Variants in EPHA4 observed in about 807,000 individuals in gnomAD.
EPHA4 encodes the protein EPH receptor A4, also known as ephrin type-A receptor 4.
A neutral mutation model predicts 108.3 loss-of-function variants in EPHA4; 19 were observed. The ratio of observed to expected loss-of-function variants is 0.18; its 90% CI spans 0.12 to 0.26. EPHA4 has a LOEUF of 0.26. Ranked by LOEUF, EPHA4 falls within the 10% of genes least tolerant of loss-of-function variation. EPHA4 has a pLI of 1.00. For missense variants in EPHA4, 917 were observed against 1,254.0 expected (o/e 0.73, Z 4.06); for synonymous variants, 449 against 455.5 (o/e 0.99, Z 0.18).
chr2:221,538,879 C>T (rs1356703), intron 3 of EPHA4, among the ~76,000 whole-genome samples: 85,792 of 152,022 alleles, frequency 0.56, 24,941 homozygotes, highest in African/African-American at 0.7. Flanking sequence ...AATGATCACA[C>T]GTGGCGTGCA....
chr2:221,566,818 GAGA>G (rs1305800695), intron 2 of EPHA4, among the ~76,000 whole-genome samples: 8 of 135,976 alleles, frequency 5.9e-5, no homozygotes, highest in Admixed American at 5.4e-4. Flanking sequence ...GAAGAAGAAG[GAGA>G]AGAAGGAGAA....
intron 5 of EPHA4, among the ~76,000 whole-genome samples, chr2:221,465,527 A>G (rs1691281558): frequency 1.3e-5 from 2 of 152,130 alleles, no homozygotes; most frequent in African/African-American, 4.8e-5. Context: ...AAACTGTGAG[A>G]TCCCTTCCCT....
intron 3 of EPHA4, among the ~76,000 whole-genome samples, chr2:221,527,004 G>A (rs1693350071): frequency 6.7e-6 from 1 of 150,210 alleles, no homozygotes; most frequent in Non-Finnish European, 1.5e-5. Context: ...GTAGGCACCT[G>A]TAGTCCCAGC....
chr2:221,458,010 G>GA lies in EPHA4; in HGVS notation c.1319-21dup, dbSNP rs760375109. The GA allele has an allele frequency of 1.9e-6, 3 of 1,597,330 alleles. No homozygotes were observed. In the South Asian group the frequency reaches 3.4e-5, roughly 18 times the overall value. On this transcript the variant is annotated intron_variant, in intron 5 of 17. Transcript: ENST00000281821. The stretch of plus-strand genomic sequence containing the variant: ...ATGGTGCTGTTAGAAAAAAACAAAA[G>GA]ACAAAAGATATTTTCTTTAGGAAAA...
chr2:221,424,428 C>T (rs1303804245), intron 17 of EPHA4, among the ~76,000 whole-genome samples: 1 of 149,466 alleles, frequency 6.7e-6, no homozygotes, highest in Non-Finnish European at 1.5e-5. Context: ...AAAGAAAGGT[C>T]GTTAAAATCA....
In EPHA4 at chr2:221,426,150, T is replaced by C. The variant is rs201675912; in HGVS notation, c.2847-8A>G. On this transcript the variant is annotated splice_polypyrimidine_tract_variant and splice_region_variant and intron_variant, in intron 16 of 17. Transcript: ENST00000281821. ...CCAATTCTTGCCAGGTCCCTGTACA[T>C]AGGGCGACAAAAAAGGGACAGAAGA... 1.0e-4 allele frequency: 168 copies of C among 1,611,238 alleles called. No homozygotes were observed. The highest frequency in any genetic ancestry group is 2.8e-4 in the Admixed American group (17 of 59,938).
chr2:221,493,800 T>C (rs1692225344), intron 4 of EPHA4, among the ~76,000 whole-genome samples: 1 of 152,242 alleles, frequency 6.6e-6, no homozygotes, highest in Non-Finnish European at 1.5e-5. Flanking sequence ...AACTTGGCTG[T>C]TTCAATTTCT....
Position 221,499,746 on chromosome 2 carries a change from A to T in EPHA4, c.979+1271T>A, listed in dbSNP as rs1228489000. Among the ~76,000 whole-genome samples the T allele has an allele frequency of 1.9e-4, 9 of 48,422 alleles. No individual in the cohort carries two copies. In the East Asian group the frequency reaches 1.9e-3, roughly 10 times the overall value. 31.8% of individuals were successfully genotyped at this position (48,422 alleles called of 152,430 possible). A position where few individuals can be genotyped will look rare whatever the true frequency, so the allele number is the denominator to read the frequency against. ...TATATATATATATATATATATATATATATATATATATTTTTTTTTTTTTTT... is the reference window on the plus strand; with the variant it reads ...TATATATATATATATATATATATATTTATATATATATTTTTTTTTTTTTTT... On this transcript the variant is annotated intron_variant, in intron 4 of 17. Transcript: ENST00000281821.
intron 5 of EPHA4, among the ~76,000 whole-genome samples, chr2:221,466,009 C>G (rs1345977268): frequency 6.6e-6 from 1 of 152,158 alleles, no homozygotes; most frequent in Non-Finnish European, 1.5e-5. Context: ...GAAACTCCAG[C>G]TGGTCATGCA....
intron 9 of EPHA4, among the ~76,000 whole-genome samples, chr2:221,445,453 C>T (rs1559243824): frequency 1.3e-5 from 2 of 151,742 alleles, no homozygotes; most frequent in South Asian, 2.1e-4. Context: ...AGCCGGGGGT[C>T]GTGGCGGGTG....
intron 14 of EPHA4, among the ~76,000 whole-genome samples, chr2:221,430,731 C>T (rs1041980994): frequency 5.3e-5 from 8 of 152,280 alleles, no homozygotes; most frequent in South Asian, 2.1e-4. Flanking sequence ...CTCTGAATTT[C>T]TTTCTTGGTC....
At chr2:221,514,092 G>T (rs983242489) in intron 3 of EPHA4, among the ~76,000 whole-genome samples, 1 of 74,620 alleles carries the variant, frequency 1.3e-5, no homozygotes, top group Non-Finnish European at 2.6e-5. Flanking sequence ...GTAAGCCGGG[G>T]GGAGGGGGTT....
intron 4 of EPHA4, among the ~76,000 whole-genome samples, chr2:221,488,272 C>T (rs1055329808): frequency 6.6e-6 from 1 of 152,240 alleles, no homozygotes; most frequent in South Asian, 2.1e-4. Context: ...CTCTGGCACC[C>T]TCAGAATTCT....
chr2:221,455,643 A>G lies in EPHA4; in HGVS notation c.1619T>C (p.Ile540Thr), dbSNP rs556830861. The change falls in exon 8 of 18, where the codon ATT (isoleucine) becomes ACT (threonine). Residue 540 changes from isoleucine to threonine, a missense_variant. Physicochemically the swap from Ile to Thr is moderately conservative, Grantham distance 89. Coordinates refer to ENST00000281821, the MANE Select transcript of EPHA4 (RefSeq NM_004438.5). ...GACTGTGGAGTTAGCCCCATCTCCA[A>G]TGATCCGGGAAGGCACTGGGAATGA... ...VTTNTVPSRI[I>T]GDGANSTVLL... The G allele has an allele frequency of 2.4e-5, 39 of 1,613,592 alleles. No homozygotes were observed. The Middle Eastern group carries it at 5.0e-4, about 20-fold the overall frequency.
chr2:221,506,338 A>G (rs1459919222), intron 3 of EPHA4, among the ~76,000 whole-genome samples: 1 of 152,222 alleles, frequency 6.6e-6, no homozygotes, highest in Non-Finnish European at 1.5e-5. Flanking sequence ...GAAAGAAAAA[A>G]TATCTGTCAA....
At chr2:221,441,007 C>T (rs922215477) in intron 11 of EPHA4, among the ~76,000 whole-genome samples, 1 of 152,086 alleles carries the variant, frequency 6.6e-6, no homozygotes, top group Non-Finnish European at 1.5e-5. Flanking sequence ...AACCTCTGAG[C>T]AGGAGGCCCA....
At chr2:221,539,488 T>A (rs549509535) in intron 3 of EPHA4, among the ~76,000 whole-genome samples, 14 of 152,192 alleles carry the variant, frequency 9.2e-5, no homozygotes, top group African/African-American at 3.1e-4. Flanking sequence ...TGTAGAACCT[T>A]GTGGAATGTG....
At chr2:221,545,162 G>T (rs1234017711) in intron 3 of EPHA4, among the ~76,000 whole-genome samples, 1 of 152,180 alleles carries the variant, frequency 6.6e-6, no homozygotes, top group Non-Finnish European at 1.5e-5. Context: ...AAATAAAAAG[G>T]TATGGCCGGG....
At chr2:221,469,862 T>C (rs971316901) in intron 5 of EPHA4, among the ~76,000 whole-genome samples, 2 of 152,178 alleles carry the variant, frequency 1.3e-5, no homozygotes, top group Non-Finnish European at 2.9e-5. Flanking sequence ...CTCCATCAGA[T>C]ATACTGTTGG....
Sources: allele counts gnomAD v4.1 joint callset (sites outside exome capture counted in the v4.1 genomes callset), GRCh38; gene constraint gnomAD v4.1.1; transcripts MANE v1.5; gene names NCBI Gene and HGNC (gene_info 2026-07-23, HGNC 2026-07-21).